Variants in COL14A1 observed in about 807,000 individuals in gnomAD.
COL14A1 encodes the protein collagen type XIV alpha 1 chain, also known as collagen alpha-1(XIV) chain.
COL14A1 carries 136 observed loss-of-function variants against 230.3 expected under a neutral mutation model. That is an observed-to-expected ratio of 0.59 (90% CI 0.51 to 0.68). The LOEUF (loss-of-function observed/expected upper bound fraction) is 0.68. Among genes scored for constraint, COL14A1 ranks in the 30% least tolerant of loss-of-function variants. The probability of loss-of-function intolerance (pLI) is 0.00; values close to 1 mark genes in which losing one functional copy is unlikely to be tolerated. For synonymous variants in COL14A1, 792 were observed against 784.1 expected, an observed-to-expected ratio of 1.01 and a Z score of -0.17; for missense variants, 1,976 against 2,215.8, an observed-to-expected ratio of 0.89 and a Z score of 2.17.
At chr8:120,153,192 G>GTATTT (rs1169176596) in intron 2 of COL14A1, among the ~76,000 whole-genome samples, 4 of 152,274 alleles carry the variant, frequency 2.6e-5, no homozygotes, top group African/African-American at 9.6e-5. Context: ...TAAAGTTTTT[G>GTATTT]TATTTTATTT....
chr8:120,305,938 T>C (rs1055273656), intron 36 of COL14A1, among the ~76,000 whole-genome samples: 3 of 152,200 alleles, frequency 2.0e-5, no homozygotes, highest in Admixed American at 6.5e-5. Flanking sequence ...GTTGGAATTC[T>C]TTCAACTTAG....
intron 3 of COL14A1, among the ~76,000 whole-genome samples, chr8:120,159,589 G>A (rs1441270051): frequency 3.3e-5 from 5 of 152,076 alleles, no homozygotes; most frequent in African/African-American, 9.7e-5. Context: ...TAATGTGGAC[G>A]TCTTACTCAA....
At chr8:120,341,238 T>C (rs1586880536) in intron 42 of COL14A1, 87 bp from the exon 43 acceptor site, 1 of 1,357,882 alleles carries the variant, frequency 7.4e-7, no homozygotes, top group Non-Finnish European at 1.1e-6. Flanking sequence ...AAGAAAAATG[T>C]CTTAATAAAA....
intron 15 of COL14A1, 136 bp from the exon 16 acceptor site, chr8:120,226,491 C>T (rs1818098446): frequency 1.3e-6 from 1 of 754,960 alleles, no homozygotes; most frequent in African/African-American, 1.8e-5. Flanking sequence ...CTGATGGGCC[C>T]CAGTTTTCCT....
chr8:120,192,792 C>T (rs1054388494), intron 5 of COL14A1, among the ~76,000 whole-genome samples: 5 of 152,272 alleles, frequency 3.3e-5, no homozygotes, highest in Non-Finnish European at 7.3e-5. Context: ...TCATTTCTTT[C>T]ATTTCATCTT....
chr8:120,156,013 C>T (rs1347427934), intron 2 of COL14A1, among the ~76,000 whole-genome samples: 1 of 152,184 alleles, frequency 6.6e-6, no homozygotes, highest in Non-Finnish European at 1.5e-5. Flanking sequence ...GGCTAGCATT[C>T]TCTACTTAGA....
At chr8:120,194,222 T>A (rs924561408) in intron 5 of COL14A1, among the ~76,000 whole-genome samples, 1 of 152,196 alleles carries the variant, frequency 6.6e-6, no homozygotes, top group Non-Finnish European at 1.5e-5. Flanking sequence ...TAATTTCAAG[T>A]GAAATATGCC....
rs370801574 is a variant in COL14A1, at chr8:120,278,179, G to A, written c.3282G>A (p.Glu1094=). 1 of 1,611,890 alleles carries A rather than the reference G, an allele frequency of 6.2e-7. No homozygotes were observed. The highest frequency in any genetic ancestry group is 8.5e-7 in the Non-Finnish European group (1 of 1,179,016). Residue 1094 remains glutamate, a synonymous_variant, in exon 27 of 48, where the codon GAG becomes GAA. Coordinates refer to ENST00000297848, the MANE Select transcript of COL14A1 (RefSeq NM_021110.4). The part of the protein sequence containing the change: ...EFKLNAYKTK[E]TLLDAIKHIS... ...AACTAAATGCTTACAAAACCAAAGAGACTCTTCTTGATGCAATTAAACACA... is the reference window on the plus strand; with the variant it reads ...AACTAAATGCTTACAAAACCAAAGAAACTCTTCTTGATGCAATTAAACACA...
At chr8:120,174,005 T>C (rs1816190967) in intron 5 of COL14A1, among the ~76,000 whole-genome samples, 1 of 152,204 alleles carries the variant, frequency 6.6e-6, no homozygotes, top group Admixed American at 6.5e-5. Flanking sequence ...TTCTTATTTA[T>C]TTTAATACAG....
At position 120,307,917 on chromosome 8, in the gene COL14A1, G is replaced by A. The variant is rs540362871; in HGVS notation, c.4402-2092G>A. On this transcript the variant is annotated intron_variant, in intron 36 of 47. Transcript: ENST00000297848. ...TTCTACTCTTGGTATCTTCTTCTGAGAAATACTAACAGTTTCACTTAAGGG... is the reference window on the plus strand; with the variant it reads ...TTCTACTCTTGGTATCTTCTTCTGAAAAATACTAACAGTTTCACTTAAGGG... 3.3e-5 allele frequency among the ~76,000 whole-genome samples: 5 copies of A among 152,304 alleles called. No homozygotes were observed. In the South Asian group the frequency reaches 1.0e-3, roughly 32 times the overall value.
chr8:120,144,493 A>C (rs73704242), intron 1 of COL14A1, among the ~76,000 whole-genome samples: 7,184 of 152,276 alleles, frequency 0.047, 564 homozygotes, highest in African/African-American at 0.16. Flanking sequence ...AAGGTTCAGC[A>C]TCCGTTCTTG....
chr8:120,225,317 A>G, intron 15 of COL14A1, 103 bp downstream of exon 15: 1 of 976,118 alleles, frequency 1.0e-6, no homozygotes. Flanking sequence ...GAAGAGATTA[A>G]ATTTTAATTT....
chr8:120,185,501 A>AAAAC (rs1209412936), intron 5 of COL14A1, among the ~76,000 whole-genome samples: 2 of 152,034 alleles, frequency 1.3e-5, no homozygotes, highest in African/African-American at 2.4e-5. Context: ...CAAAAATTAA[A>AAAAC]AAACAAACAA....
intron 23 of COL14A1, among the ~76,000 whole-genome samples, chr8:120,257,055 G>C (rs1360035904): frequency 1.3e-5 from 2 of 152,160 alleles, no homozygotes; most frequent in Non-Finnish European, 2.9e-5. Flanking sequence ...AAGCAGCCTT[G>C]AGAGTTTTAT....
chr8:120,161,623 T>A (rs1159895633), intron 3 of COL14A1, among the ~76,000 whole-genome samples: 5 of 152,104 alleles, frequency 3.3e-5, no homozygotes, highest in Non-Finnish European at 7.4e-5. Flanking sequence ...TAGAAAAAAA[T>A]TCCAGTGTAA....
Position 120,310,012 on chromosome 8 carries a change from G to A in COL14A1, c.4405G>A (p.Gly1469Ser). 5 of 1,613,846 alleles carry A rather than the reference G, an allele frequency of 3.1e-6. No individual in the cohort carries two copies. Among genetic ancestry groups the A allele is most frequent in the Non-Finnish European group, 4.2e-6 (5 of 1,179,818 alleles). ...VALGPAGPPG[G>S]PGLRGPKGQQ... The stretch of plus-strand genomic sequence containing the variant: ...ATACTTAACATCTGTTTGCCAGGGT[G>A]GTCCAGGACTCCGAGGACCAAAGGG... Residue 1469 changes from glycine to serine, a missense_variant, in exon 37 of 48, where the codon GGT becomes AGT. Gly to Ser is a moderately conservative substitution (Grantham distance 56). Around this residue, in one of 3 missense-constraint regions of COL14A1, gnomAD observed 1,791 missense variants for 2,019.5 expected, o/e 0.89. Transcript: ENST00000297848.
At chr8:120,207,138 C>T in intron 10 of COL14A1, 44 bp downstream of exon 10, 7 of 1,522,736 alleles carry the variant, frequency 4.6e-6, no homozygotes, top group Middle Eastern at 1.7e-4. Context: ...TTTATTCTCT[C>T]AAGTCTTCTA....
chr8:120,151,639 C>CAAAAAAAAAAAAAAAAAAAAAA (rs59123417), intron 2 of COL14A1, among the ~76,000 whole-genome samples: 1 of 78,606 alleles, frequency 1.3e-5, no homozygotes, highest in Non-Finnish European at 2.3e-5. Flanking sequence ...GACTCCGTCT[C>CAAAAAAAAAAAAAAAAAAAAAA]AAAAAAAAAA....
intron 42 of COL14A1, among the ~76,000 whole-genome samples, chr8:120,333,184 A>G (rs1235784149): frequency 3.3e-5 from 5 of 152,256 alleles, no homozygotes; most frequent in Non-Finnish European, 5.9e-5. Context: ...ACACTCACAC[A>G]TAAGTGAGAG....
Sources: allele counts gnomAD v4.1 joint callset (sites outside exome capture counted in the v4.1 genomes callset), GRCh38; gene constraint gnomAD v4.1.1; regional missense constraint gnomAD v4.1.1; transcripts MANE v1.5; gene names NCBI Gene and HGNC (gene_info 2026-07-23, HGNC 2026-07-21).